The following MAMLD1 variants were observed in gnomAD, a reference collection of about 807,000 sequenced individuals.
MAMLD1 encodes the protein mastermind like domain containing 1.
Under a neutral mutation model 45.0 loss-of-function variants are expected in MAMLD1, and 14 were observed. The ratio of observed to expected loss-of-function variants is 0.31; its 90% CI spans 0.21 to 0.49. The LOEUF (loss-of-function observed/expected upper bound fraction) is 0.49, where lower values mean the gene tolerates loss of function less well. Ranked by LOEUF, MAMLD1 falls within the 20% of genes least tolerant of loss-of-function variation. The pLI, the probability that MAMLD1 is intolerant of heterozygous loss-of-function variation, is 0.99. For missense variants in MAMLD1, 543 were observed against 603.6 expected (o/e 0.90, Z 1.05); for synonymous variants, 254 against 247.8 (o/e 1.02, Z -0.24).
intron 1 of MAMLD1, among the ~76,000 whole-genome samples, chrX:150,382,178 G>A (rs2032643469): frequency 9.0e-6 from 1 of 111,395 alleles, no homozygotes; most frequent in Non-Finnish European, 1.9e-5. Flanking sequence ...GGTTTAGGTT[G>A]ATGTTTATTA....
At chrX:150,370,093 A>G in intron 1 of MAMLD1, among the ~76,000 whole-genome samples, 1 of 109,182 alleles carries the variant, frequency 9.2e-6, no homozygotes, top group Non-Finnish European at 1.9e-5. Flanking sequence ...TGGAGCAGAT[A>G]GAATGCTGAG....
intron 1 of MAMLD1, among the ~76,000 whole-genome samples, chrX:150,369,571 A>G (rs1419394832): frequency 8.9e-6 from 1 of 112,606 alleles, no homozygotes; most frequent in Non-Finnish European, 1.9e-5. Context: ...GACAGCGGAC[A>G]TCAGAAATCA....
chrX:150,444,348 G>T (rs2035420074), intron 1 of MAMLD1, among the ~76,000 whole-genome samples: 1 of 111,497 alleles, frequency 9.0e-6, no homozygotes, highest in African/African-American at 3.3e-5. Context: ...TGGTCTTTTG[G>T]CTAGAAAGAG....
intron 1 of MAMLD1, among the ~76,000 whole-genome samples, chrX:150,377,635 A>C (rs1201092524): frequency 3.6e-5 from 4 of 111,322 alleles, no homozygotes; most frequent in African/African-American, 1.3e-4. Flanking sequence ...TTTGATCTCA[A>C]TACCTTCTCC....
At chrX:150,469,520 A>G (rs147305640) in intron 3 of MAMLD1, among the ~76,000 whole-genome samples, 327 of 112,050 alleles carry the variant, frequency 2.9e-3, no homozygotes, top group African/African-American at 0.01. Flanking sequence ...AGTTTTCACA[A>G]CTATAAGTCT....
intron 5 of MAMLD1, among the ~76,000 whole-genome samples, chrX:150,491,052 T>C (rs1193965504): frequency 8.9e-6 from 1 of 111,784 alleles, no homozygotes; most frequent in Non-Finnish European, 1.9e-5. Context: ...TTCTTTATAC[T>C]GGTGAGGGTA....
At position 150,445,397 on chromosome X, in the gene MAMLD1, G is replaced by A. The variant is rs1378062479; in HGVS notation, c.-63-57G>A. On this transcript the variant is annotated intron_variant, in intron 1 of 7. Transcript: ENST00000370401. Reference sequence around the variant, plus strand: ...TTCAGAGTGAAAGTCTGTGATTCACGGGGTCAGTGGTCTCATCTTCATATC... The same window carrying A: ...TTCAGAGTGAAAGTCTGTGATTCACAGGGTCAGTGGTCTCATCTTCATATC... The A allele has an allele frequency of 3.0e-5, 16 of 527,574 alleles. No individual in the cohort carries two copies. In the South Asian group the frequency reaches 3.3e-4, roughly 11 times the overall value. 43.5% of individuals were successfully genotyped at this position (527,574 alleles called of 1,213,427 possible). A position where few individuals can be genotyped will look rare whatever the true frequency, so the allele number is the denominator to read the frequency against.
intron 3 of MAMLD1, among the ~76,000 whole-genome samples, chrX:150,465,903 C>T (rs1339220344): frequency 1.8e-5 from 2 of 112,422 alleles, no homozygotes; most frequent in South Asian, 3.7e-4. Context: ...GGGGACCTTC[C>T]GCCCCTACCA....
chrX:150,485,329 G>C (rs892677607), intron 5 of MAMLD1, among the ~76,000 whole-genome samples: 1 of 111,089 alleles, frequency 9.0e-6, no homozygotes, highest in African/African-American at 3.3e-5. Flanking sequence ...ATTAGACTAG[G>C]AATTGAGAAA....
At position 150,471,407 on chromosome X, in the gene MAMLD1, T is replaced by C. The variant is rs372003941; in HGVS notation, c.1834T>C (p.Phe612Leu). The change falls in exon 4 of 8, where the codon TTC becomes CTC. Residue 612 changes from phenylalanine (F) to leucine (L), a missense_variant. Coordinates refer to ENST00000370401, the MANE Select transcript of MAMLD1 (RefSeq NM_005491.5). The stretch of plus-strand genomic sequence containing the variant: ...GCAGCAGCAGCCTGACCATTCTTCA[T>C]TCCTTCTGCAGCAGATGATGCAGCA... The part of the protein sequence containing the change: ...QQQQQPDHSS[F>L]LLQQMMQQPQ... 27 of 1,210,555 alleles carry C rather than the reference T, an allele frequency of 2.2e-5. No homozygotes were observed. Among genetic ancestry groups the C allele is most frequent in the Non-Finnish European group, 6.7e-6 (6 of 895,363 alleles).
At chrX:150,428,043 A>G (rs1285814471) in intron 1 of MAMLD1, among the ~76,000 whole-genome samples, 2 of 110,975 alleles carry the variant, frequency 1.8e-5, no homozygotes, top group African/African-American at 6.6e-5. Context: ...GTCGTAGATA[A>G]TGTAAGGAGG....
intron 1 of MAMLD1, among the ~76,000 whole-genome samples, chrX:150,389,723 G>A (rs1254356240): frequency 3.6e-5 from 4 of 112,070 alleles, no homozygotes; most frequent in African/African-American, 1.3e-4. Context: ...TGTTGAGAGT[G>A]GAGTGCTGAA....
intron 2 of MAMLD1, among the ~76,000 whole-genome samples, chrX:150,452,596 C>CT (rs34192611): frequency 0.47 from 49,389 of 104,536 alleles, 9,547 homozygotes; most frequent in East Asian, 0.79. Flanking sequence ...TCTCTCCTCT[C>CT]TTTTTTTTTT....
chrX:150,438,522 C>A (rs1557404368), intron 1 of MAMLD1, among the ~76,000 whole-genome samples: 1 of 112,163 alleles, frequency 8.9e-6, no homozygotes, highest in Non-Finnish European at 1.9e-5. Context: ...TTCTTCCCCT[C>A]CCCTCAGTTC....
chrX:150,468,768 G>A (rs1469860062), intron 3 of MAMLD1, among the ~76,000 whole-genome samples: 1 of 111,525 alleles, frequency 9.0e-6, no homozygotes, highest in Non-Finnish European at 1.9e-5. Flanking sequence ...TCCCCAACCT[G>A]AGGATGCATC....
At chrX:150,370,404 T>G (rs1045292819) in intron 1 of MAMLD1, among the ~76,000 whole-genome samples, 1 of 112,369 alleles carries the variant, frequency 8.9e-6, no homozygotes, top group Non-Finnish European at 1.9e-5. Context: ...TACTTATTAC[T>G]TCTTATTTTT....
chrX:150,422,511 G>C (rs1471787439), intron 1 of MAMLD1, among the ~76,000 whole-genome samples: 3 of 111,974 alleles, frequency 2.7e-5, no homozygotes, highest in Non-Finnish European at 3.8e-5. Flanking sequence ...CGGGGTTCAA[G>C]CAATTCTCCT....
At chrX:150,421,027 C>G (rs1255094005) in intron 1 of MAMLD1, 1 of 116,626 alleles carries the variant, frequency 8.6e-6, no homozygotes, top group Non-Finnish European at 1.8e-5. Context: ...GCGGGCGCCC[C>G]TCCCCCAGCC....
At chrX:150,441,124 A>G (rs2035303380) in intron 1 of MAMLD1, among the ~76,000 whole-genome samples, 1 of 107,268 alleles carries the variant, frequency 9.3e-6, no homozygotes, top group South Asian at 3.8e-4. Flanking sequence ...TTAAATGCAT[A>G]GACTGTGAAA....
Sources: allele counts gnomAD v4.1 joint callset (sites outside exome capture counted in the v4.1 genomes callset), GRCh38; gene constraint gnomAD v4.1.1; transcripts MANE v1.5; gene names NCBI Gene and HGNC (gene_info 2026-07-23, HGNC 2026-07-21).